The following OPHN1 variants were observed in gnomAD, a reference collection of about 807,000 sequenced individuals.
The protein encoded by OPHN1 is oligophrenin-1.
A neutral mutation model predicts 60.7 loss-of-function variants in OPHN1; 11 were observed. The observed-to-expected ratio is 0.18, with a 90% CI of 0.11 to 0.30. The LOEUF is 0.30. Among genes scored for constraint, OPHN1 ranks in the 10% least tolerant of loss-of-function variants. OPHN1 has a pLI of 1.00. For synonymous variants in OPHN1, 226 were observed against 222.6 expected (o/e 1.02, Z -0.14); for missense variants, 449 against 611.0 (o/e 0.73, Z 2.80).
intron 15 of OPHN1, among the ~76,000 whole-genome samples, chrX:68,137,912 G>C (rs1207588205): frequency 9.0e-6 from 1 of 111,389 alleles, no homozygotes; most frequent in Non-Finnish European, 1.9e-5. Context: ...GATCTAAGGA[G>C]GAGACACACA....
chrX:68,067,318 A>C (rs1342052545), intron 20 of OPHN1, among the ~76,000 whole-genome samples: 1 of 111,184 alleles, frequency 9.0e-6, no homozygotes, highest in Admixed American at 9.6e-5. Context: ...ATATAATTAA[A>C]AGTTTGGTTT....
At chrX:68,152,295 T>C (rs2077288303) in intron 15 of OPHN1, among the ~76,000 whole-genome samples, 1 of 110,624 alleles carries the variant, frequency 9.0e-6, no homozygotes, top group South Asian at 3.9e-4. Context: ...CTTTCCCAAA[T>C]TGACAAAGTT....
chrX:68,366,394 T>G (rs774406861), intron 2 of OPHN1, among the ~76,000 whole-genome samples: 23 of 111,189 alleles, frequency 2.1e-4, no homozygotes, highest in Admixed American at 5.8e-4. Flanking sequence ...AGTGGCATAA[T>G]CATGGCTCAC....
intron 15 of OPHN1, among the ~76,000 whole-genome samples, chrX:68,153,513 G>A (rs2077295367): frequency 8.9e-6 from 1 of 111,886 alleles, no homozygotes; most frequent in Middle Eastern, 4.6e-3. Context: ...ATCTGTAATT[G>A]TGGTAAGTAT....
At chrX:68,156,355 T>TA (rs1378497193) in intron 15 of OPHN1, among the ~76,000 whole-genome samples, 1 of 82,122 alleles carries the variant, frequency 1.2e-5, no homozygotes, top group African/African-American at 4.6e-5. Context: ...AAAAAAAAGA[T>TA]AAAAAAAGAA....
intron 15 of OPHN1, among the ~76,000 whole-genome samples, chrX:68,132,699 T>A (rs1602179328): frequency 1.2e-5 from 1 of 85,003 alleles, no homozygotes. Context: ...TAAAGTATAA[T>A]TAAAAAAAAA....
At chrX:68,288,647 C>A (rs2078056387) in intron 3 of OPHN1, among the ~76,000 whole-genome samples, 1 of 110,624 alleles carries the variant, frequency 9.0e-6, no homozygotes, top group Non-Finnish European at 1.9e-5. Context: ...ACCTGTAATC[C>A]CAGCTACTCG....
At chrX:68,180,856 AGTCC>A (rs1313512470) in intron 15 of OPHN1, among the ~76,000 whole-genome samples, 1 of 112,330 alleles carries the variant, frequency 8.9e-6, no homozygotes, top group African/African-American at 3.2e-5. Flanking sequence ...CTTATCAAGC[AGTCC>A]TCATCTGAGT....
At chrX:68,342,461 G>A (rs1288072072) in intron 2 of OPHN1, among the ~76,000 whole-genome samples, 1 of 111,895 alleles carries the variant, frequency 8.9e-6, no homozygotes, top group East Asian at 2.8e-4. Context: ...GATAACTGTT[G>A]AAGAGGGGTT....
At chrX:68,342,721 C>T (rs1602341060) in intron 2 of OPHN1, among the ~76,000 whole-genome samples, 1 of 110,912 alleles carries the variant, frequency 9.0e-6, no homozygotes, top group Admixed American at 9.7e-5. Flanking sequence ...GTGGGAGGGT[C>T]GCTTGAACCC....
chrX:68,359,966 A>C (rs1174078081), intron 2 of OPHN1, among the ~76,000 whole-genome samples: 1 of 110,397 alleles, frequency 9.1e-6, no homozygotes, highest in Admixed American at 9.7e-5. Context: ...GCATTAGGCA[A>C]GTTACTTAAC....
chrX:68,062,526 A>G (rs1035412507), intron 21 of OPHN1, among the ~76,000 whole-genome samples: 4 of 112,364 alleles, frequency 3.6e-5, no homozygotes, highest in South Asian at 7.5e-4. Context: ...AGTGGGCCCA[A>G]TCGGGTCCAC....
chrX:68,338,070 G>A (rs778180432), intron 2 of OPHN1, among the ~76,000 whole-genome samples: 155 of 111,070 alleles, frequency 1.4e-3, no homozygotes, highest in Admixed American at 2.2e-3. Context: ...TGCCCAGGCT[G>A]GTCTTGAACT....
intron 19 of OPHN1, among the ~76,000 whole-genome samples, chrX:68,078,890 G>A (rs1173926954): frequency 9.1e-6 from 1 of 109,907 alleles, no homozygotes; most frequent in African/African-American, 3.3e-5. Context: ...GGAGGCTGAG[G>A]CAGGAGAATT....
Position 68,189,025 on chromosome X carries a change from T to A in OPHN1, c.1276+3894A>T, listed in dbSNP as rs762738269. ...AATAACATAAATAACATCTTACAAG[T>A]GACTTGTTACTTCACTCGTTACAGC... On this transcript the variant is annotated intron_variant, in intron 15 of 24. Transcript: ENST00000355520. Among the ~76,000 whole-genome samples the A allele has an allele frequency of 5.3e-5, 6 of 112,505 alleles. No individual in the cohort carries two copies. The South Asian group carries it at 2.2e-3, about 41-fold the overall frequency.
chrX:68,273,732 C>T (rs753260515), intron 5 of OPHN1, among the ~76,000 whole-genome samples: 2 of 111,828 alleles, frequency 1.8e-5, no homozygotes, highest in East Asian at 5.6e-4. Context: ...GAGTATGGAA[C>T]GTAAAGCTAA....
At chrX:68,368,659 A>C (rs1047376856) in intron 2 of OPHN1, among the ~76,000 whole-genome samples, 1 of 111,916 alleles carries the variant, frequency 8.9e-6, no homozygotes. Flanking sequence ...GCTAGTTTAT[A>C]AGTGCAATGC....
At chrX:68,169,284 T>C (rs1057132321) in intron 15 of OPHN1, among the ~76,000 whole-genome samples, 2 of 110,991 alleles carry the variant, frequency 1.8e-5, no homozygotes, top group African/African-American at 3.3e-5. Context: ...TAAAATAGGA[T>C]ACAAAGAAAT....
chrX:68,121,520 G>A (rs2077150564), intron 15 of OPHN1, among the ~76,000 whole-genome samples: 1 of 111,194 alleles, frequency 9.0e-6, no homozygotes, highest in Non-Finnish European at 1.9e-5. Context: ...CCTAGCTAGA[G>A]GGGAATCACA....
Sources: allele counts gnomAD v4.1 joint callset (sites outside exome capture counted in the v4.1 genomes callset), GRCh38; gene constraint gnomAD v4.1.1; transcripts MANE v1.5; gene names NCBI Gene and HGNC (gene_info 2026-07-23, HGNC 2026-07-21).